OTOG: variants seen among roughly 807,000 people sequenced by gnomAD.
OTOG encodes the protein otogelin.
OTOG carries 296 observed loss-of-function variants against 313.8 expected under a neutral mutation model. The observed-to-expected ratio is 0.94, with a 90% CI of 0.86 to 1.04. The LOEUF is 1.04. OTOG is among the 50% of genes least tolerant of loss of function. The pLI is 0.00. For missense variants in OTOG, 3,948 were observed against 3,840.1 expected, an observed-to-expected ratio of 1.03 and a Z score of -0.74; for synonymous variants, 1,533 against 1,554.9, an observed-to-expected ratio of 0.99 and a Z score of 0.33.
At position 17,570,291 on chromosome 11, in the gene OTOG, G is replaced by A. The variant is rs767103961; in HGVS notation, c.1856G>A (p.Arg619His). 1.7e-5 allele frequency: 27 copies of A among 1,550,696 alleles called. No individual in the cohort carries two copies. The highest frequency in any genetic ancestry group is 2.4e-5 in the South Asian group (2 of 84,070). Reference protein sequence around the residue: ...TNVGVRVLYDREGLRLYLQVD... With the variant: ...TNVGVRVLYDHEGLRLYLQVD... ...GTGGGCGTGCGGGTGCTCTACGACC[G>A]TGAAGGGCTCCGACTGTACCTGCAA... Residue 619 changes from arginine (R) to histidine (H), a missense_variant, in exon 17 of 56, where the codon CGT becomes CAT. Coordinates refer to ENST00000399397, the MANE Select transcript of OTOG (RefSeq NM_001292063.2).
rs1853031030 is a variant in OTOG, at chr11:17,594,151, T to C, written c.3393T>C (p.Ser1131=). 6.4e-7 allele frequency: 1 copy of C among 1,550,590 alleles called. No individual in the cohort carries two copies. The highest frequency in any genetic ancestry group is 1.2e-5 in the South Asian group (1 of 84,070). The change falls in exon 28 of 56, where the codon AGT becomes AGC. Residue 1131 remains serine, a synonymous_variant. Transcript: ENST00000399397. ...ELTNPQEFGS[S]WAAVECPDTL... ...CTAACCCCCAGGAGTTTGGCAGCAG[T>C]TGGGCTGCAGTTGAGGTAAAGCCTC...
chr11:17,588,764 A>G (rs918084426), intron 24 of OTOG, among the ~76,000 whole-genome samples: 9 of 151,930 alleles, frequency 5.9e-5, no homozygotes, highest in Non-Finnish European at 7.4e-5. Flanking sequence ...CTCTCTTCCA[A>G]AGATCTTTCT....
At chr11:17,613,227 C>CTTTCTTTCT (rs1853626889) in intron 38 of OTOG, among the ~76,000 whole-genome samples, 5 of 134,534 alleles carry the variant, frequency 3.7e-5, no homozygotes, top group African/African-American at 1.2e-4. Flanking sequence ...TTCTTTCTTT[C>CTTTCTTTCT]TTTCTTTCTT....
intron 3 of OTOG, among the ~76,000 whole-genome samples, chr11:17,550,861 C>G (rs1274019284): frequency 2.6e-5 from 4 of 152,222 alleles, no homozygotes; most frequent in African/African-American, 9.6e-5. Flanking sequence ...CAAAATCTGG[C>G]TAAGATGTCA....
At chr11:17,578,348 C>A in intron 22 of OTOG, 25 bp from the exon 23 acceptor site, 1 of 1,469,646 alleles carries the variant, frequency 6.8e-7, no homozygotes, top group South Asian at 1.3e-5. Flanking sequence ...CCCAGGGCCT[C>A]CGCTCCCATC....
chr11:17,617,677 T>C (rs1853756541), intron 39 of OTOG, among the ~76,000 whole-genome samples: 1 of 152,184 alleles, frequency 6.6e-6, no homozygotes, highest in African/African-American at 2.4e-5. Flanking sequence ...TGACATTAGT[T>C]ATTTGTGTCT....
intron 24 of OTOG, among the ~76,000 whole-genome samples, chr11:17,590,545 C>G (rs1400077785): frequency 6.6e-6 from 1 of 152,260 alleles, no homozygotes; most frequent in Non-Finnish European, 1.5e-5. Context: ...TCTGCTTCCC[C>G]TTGACCGCCT....
chr11:17,623,523 A>G (rs1402610265), intron 39 of OTOG, among the ~76,000 whole-genome samples: 1 of 152,204 alleles, frequency 6.6e-6, no homozygotes, highest in East Asian at 1.9e-4. Flanking sequence ...TGTATATACT[A>G]CATTTTCTTT....
intron 24 of OTOG, among the ~76,000 whole-genome samples, chr11:17,586,809 T>C (rs1852804510): frequency 6.6e-6 from 1 of 152,252 alleles, no homozygotes; most frequent in South Asian, 2.1e-4. Flanking sequence ...TGTATATGAA[T>C]GTGTATACAT....
rs1031635190 is a variant in OTOG, at chr11:17,610,481, A to T, written c.5181A>T (p.Glu1727Asp). ...TAGTGCTATCCACAGAGAAGGGCGA[A>T]GCCGGGCACAGCCAGCCCATGGGCT... is the stretch of plus-strand genomic sequence containing the variant. ...LEIVLSTEKGEAGHSQPMGSP... is the reference protein window; with the variant it reads ...LEIVLSTEKGDAGHSQPMGSP... The change falls in exon 36 of 56, where the codon GAA becomes GAT. Residue 1727 changes from glutamate (E) to aspartate (D), a missense_variant. Physicochemically the swap from Glu to Asp is conservative, Grantham distance 45 (BLOSUM62 2). Transcript: ENST00000399397. 7.1e-6 allele frequency: 11 copies of T among 1,550,432 alleles called. No homozygotes were observed. Among genetic ancestry groups the T allele is most frequent in the Non-Finnish European group, 8.7e-6 (10 of 1,146,968 alleles).
rs750834500 is a variant in OTOG, at chr11:17,641,843, G to T, written c.8191-4G>T. The T allele has an allele frequency of 5.2e-6, 8 of 1,548,108 alleles. No individual in the cohort carries two copies. The South Asian group carries it at 9.6e-5, about 18-fold the overall frequency. On this transcript the variant is annotated splice_polypyrimidine_tract_variant and splice_region_variant and intron_variant, in intron 51 of 55. Transcript: ENST00000399397. Reference sequence around the variant, plus strand: ...GCTGAGGCCCACCCCGCCCTGGCCTGTAGAACCAGGAGTACGAGCACCCGC... The same window carrying T: ...GCTGAGGCCCACCCCGCCCTGGCCTTTAGAACCAGGAGTACGAGCACCCGC...
chr11:17,597,136 G>T (rs1853131040), intron 30 of OTOG, 129 bp downstream of exon 30: 1 of 1,222,168 alleles, frequency 8.2e-7, no homozygotes. Context: ...ACTGCTTTGG[G>T]CGTGTTATTC....
chr11:17,593,673 C>T lies in OTOG; in HGVS notation c.3205C>T (p.Leu1069=), dbSNP rs1263289111. The T allele has an allele frequency of 6.5e-7, 1 of 1,549,166 alleles. No homozygotes were observed. The highest frequency in any genetic ancestry group is 2.4e-5 in the East Asian group (1 of 40,916). Residue 1069 remains leucine (L), a synonymous_variant, in exon 27 of 56, where the codon CTG becomes TTG. Transcript: ENST00000399397. ...VHTWRVGFFT[L]VHFPQEHITL... is the part of the protein sequence containing the mutation. ...CACATGGCGAGTGGGATTTTTCACA[C>T]TGGTGCATTTCCCACAGGAGCACAT...
At chr11:17,586,451 G>A (rs1288977304) in intron 23 of OTOG, 23 bp from the exon 24 acceptor site, 6 of 1,330,634 alleles carry the variant, frequency 4.5e-6, no homozygotes, top group African/African-American at 3.1e-5. Context: ...TCTCCTGACC[G>A]CCTGCTTGCT....
intron 34 of OTOG, 145 bp from the exon 35 acceptor site, chr11:17,608,985 G>A (rs749118938): frequency 3.1e-6 from 2 of 653,262 alleles, no homozygotes; most frequent in Non-Finnish European, 5.4e-6. Context: ...TCTCTATGGA[G>A]GGTCATGTGT....
Position 17,608,816 on chromosome 11 carries a change from A to T in OTOG, c.4275-314A>T, listed in dbSNP as rs146700338. Among the ~76,000 whole-genome samples, 571 of 152,206 alleles carry T rather than the reference A, an allele frequency of 3.8e-3. 3 individuals carry two copies. The highest frequency in any genetic ancestry group is 0.013 in the African/African-American group (536 of 41,504). ...AGGGGGTACATGAGGCCATGTGAGAATGTGCCCAGGCAGAGACACATGTGA... is the reference window on the plus strand; with the variant it reads ...AGGGGGTACATGAGGCCATGTGAGATTGTGCCCAGGCAGAGACACATGTGA... On this transcript the variant is annotated intron_variant, in intron 34 of 55. Coordinates refer to ENST00000399397, the MANE Select transcript of OTOG (RefSeq NM_001292063.2).
rs1847958945 is a variant in OTOG at position 17,641,004 on chromosome 11, C to T, written c.8103C>T (p.Thr2701=). ...VELSADGVCH[T]SRCTTVLDPL... is the part of the protein sequence containing the mutation. ...TCTCAGCAGATGGCGTGTGCCACAC[C>T]TCCCGCTGCACCACCGTGCTCGACC... The change falls in exon 51 of 56, where the codon ACC becomes ACT. Residue 2701 remains threonine (T), a synonymous_variant. Transcript: ENST00000399397. The T allele has an allele frequency of 1.3e-6, 2 of 1,548,384 alleles. No individual in the cohort carries two copies. The highest frequency in any genetic ancestry group is 2.4e-5 in the South Asian group (2 of 84,062).
chr11:17,614,799 GATATTTGAGTTGTTTCC>G (rs1246628843), intron 39 of OTOG, among the ~76,000 whole-genome samples: 2 of 152,214 alleles, frequency 1.3e-5, no homozygotes, highest in Non-Finnish European at 2.9e-5. Context: ...CCAGTTGAAA[GATATTTGAGTTGTTTCC>G]AGTTTGGTAC....
In OTOG at chr11:17,630,695, A is replaced by G. The variant is rs116176525; in HGVS notation, c.6713-1007A>G. On this transcript the variant is annotated intron_variant, in intron 40 of 55. Transcript: ENST00000399397. ...GCTGACCTGCAAGCCAATGACTGTT[A>G]CACAGACTTTGGAATGTCATGGATA... Among the ~76,000 whole-genome samples the G allele has an allele frequency of 4.0e-3, 607 of 152,334 alleles. 3 individuals are homozygous for G. The highest frequency in any genetic ancestry group is 0.014 in the African/African-American group (579 of 41,572).
Sources: allele counts gnomAD v4.1 joint callset (sites outside exome capture counted in the v4.1 genomes callset), GRCh38; gene constraint gnomAD v4.1.1; transcripts MANE v1.5; gene names NCBI Gene and HGNC (gene_info 2026-07-23, HGNC 2026-07-21).